The following ABHD12 variants were observed in gnomAD, a reference collection of about 807,000 sequenced individuals.
ABHD12 encodes lysophosphatidylserine lipase ABHD12.
ABHD12 carries 43 observed loss-of-function variants against 58.3 expected under a neutral mutation model. That is an observed-to-expected ratio of 0.74 (90% CI 0.58 to 0.95). The LOEUF is 0.95. Among genes scored for constraint, ABHD12 ranks in the 40% least tolerant of loss-of-function variants. The pLI is 0.00. For missense variants in ABHD12, 539 were observed against 537.2 expected (o/e 1.00, Z -0.03); for synonymous variants, 219 against 211.2 (o/e 1.04, Z -0.32).
At chr20:25,388,787 CTT>C (rs780031801) in intron 1 of ABHD12, among the ~76,000 whole-genome samples, 30 of 122,084 alleles carry the variant, frequency 2.5e-4, no homozygotes, top group African/African-American at 2.9e-4. Context: ...TTGATTTTTT[CTT>C]TTTTTTTTTT....
intron 1 of ABHD12, among the ~76,000 whole-genome samples, chr20:25,378,582 T>C (rs192071300): frequency 6.6e-6 from 1 of 152,154 alleles, no homozygotes; most frequent in Admixed American, 6.5e-5. Context: ...CACATCAAAA[T>C]GACCGGCATT....
At chr20:25,381,190 A>G (rs1479973958) in intron 1 of ABHD12, among the ~76,000 whole-genome samples, 1 of 152,086 alleles carries the variant, frequency 6.6e-6, no homozygotes, top group African/African-American at 2.4e-5. Flanking sequence ...ATCCATTCAC[A>G]TGTCTCCTTG....
At chr20:25,359,316 C>T (rs1294076081) in intron 1 of ABHD12, among the ~76,000 whole-genome samples, 1 of 145,074 alleles carries the variant, frequency 6.9e-6, no homozygotes, top group Admixed American at 7.0e-5. Context: ...CCCAGCTACT[C>T]GGGAGGCTGA....
intron 3 of ABHD12, 119 bp downstream of exon 3, chr20:25,323,206 G>A: frequency 1.3e-6 from 1 of 757,166 alleles, no homozygotes; most frequent in South Asian, 1.4e-5. Flanking sequence ...TTTAGGAAAG[G>A]AAGAGGTGAA....
intron 1 of ABHD12, among the ~76,000 whole-genome samples, chr20:25,374,288 G>A (rs2089935421): frequency 6.6e-6 from 1 of 151,558 alleles, no homozygotes; most frequent in South Asian, 2.1e-4. Flanking sequence ...AAATCTGTTT[G>A]GTTCTCTTTT....
At chr20:25,350,179 T>C (rs2089579181) in intron 1 of ABHD12, among the ~76,000 whole-genome samples, 1 of 152,150 alleles carries the variant, frequency 6.6e-6, no homozygotes, top group African/African-American at 2.4e-5. Flanking sequence ...AGCAGTAAAA[T>C]ACTAGACAGA....
chr20:25,360,471 C>T (rs2089731940), intron 1 of ABHD12, among the ~76,000 whole-genome samples: 1 of 151,876 alleles, frequency 6.6e-6, no homozygotes, highest in Admixed American at 6.6e-5. Context: ...GAACTCCTGA[C>T]CTCGTGATCT....
intron 2 of ABHD12, among the ~76,000 whole-genome samples, chr20:25,334,526 G>A (rs2089330172): frequency 6.6e-6 from 1 of 152,272 alleles, no homozygotes; most frequent in East Asian, 1.9e-4. Context: ...AACAAAGCTG[G>A]AGGCATCACA....
At chr20:25,328,478 G>A (rs1314138164) in intron 2 of ABHD12, among the ~76,000 whole-genome samples, 2 of 152,230 alleles carry the variant, frequency 1.3e-5, no homozygotes, top group East Asian at 3.8e-4. Flanking sequence ...GACAGATGGG[G>A]AGTGGGCACC....
intron 2 of ABHD12, among the ~76,000 whole-genome samples, chr20:25,323,729 C>T (rs1161609248): frequency 6.6e-6 from 1 of 152,014 alleles, no homozygotes; most frequent in East Asian, 1.9e-4. Context: ...GAGACTGGAA[C>T]GCTAAGGTCT....
intron 2 of ABHD12, among the ~76,000 whole-genome samples, chr20:25,326,667 T>A (rs2089181964): frequency 6.6e-6 from 1 of 152,230 alleles, no homozygotes; most frequent in African/African-American, 2.4e-5. Context: ...AAGTTTATTT[T>A]GCAAACAAAT....
At chr20:25,303,373 G>C (rs1266023666) in intron 11 of ABHD12, 177 bp downstream of exon 11, 1 of 1,508,718 alleles carries the variant, frequency 6.6e-7, no homozygotes, top group African/African-American at 1.4e-5. Flanking sequence ...TTCCGAAGCA[G>C]CCTGGAGGTG....
At chr20:25,367,902 T>C (rs2089845369) in intron 1 of ABHD12, among the ~76,000 whole-genome samples, 1 of 152,204 alleles carries the variant, frequency 6.6e-6, no homozygotes, top group Non-Finnish European at 1.5e-5. Context: ...TCAATTATTT[T>C]TGGTAGATAC....
At chr20:25,362,615 G>A (rs1324685645) in intron 1 of ABHD12, among the ~76,000 whole-genome samples, 4 of 132,574 alleles carry the variant, frequency 3.0e-5, no homozygotes, top group East Asian at 6.0e-4. Context: ...GGGGAGGGAA[G>A]GACAGGGGAG....
intron 3 of ABHD12, among the ~76,000 whole-genome samples, chr20:25,322,381 A>ATATATATATATATATATATTTT: frequency 1.2e-4 from 7 of 59,264 alleles, no homozygotes; most frequent in African/African-American, 3.3e-4. Context: ...ATATATATAT[A>ATATATATATATATATATATTTT]TTTTTTTTTT....
intron 5 of ABHD12, among the ~76,000 whole-genome samples, chr20:25,315,261 G>A (rs1057247117): frequency 5.3e-5 from 8 of 152,004 alleles, no homozygotes; most frequent in East Asian, 1.9e-4. Flanking sequence ...AGCTCCACTC[G>A]TGCTGCAGGG....
chr20:25,362,140 C>A (rs1480647830), intron 1 of ABHD12, among the ~76,000 whole-genome samples: 3 of 152,026 alleles, frequency 2.0e-5, no homozygotes, highest in Non-Finnish European at 4.4e-5. Context: ...ATTAGCTGGG[C>A]GTGGTGGCAC....
Position 25,390,599 on chromosome 20 carries a change from G to GCGGCAGT in ABHD12, c.98_104dup (p.Lys37ProfsTer15). ...CCGTCAGGCGTAGGTTCTGCTTCAG[G>GCGGCAGT]CGGCAGTCGGCGTCCAGCGCCGCGG... On this transcript the variant is annotated frameshift_variant, in exon 1 of 13. Coordinates refer to ENST00000339157, the MANE Select transcript of ABHD12 (RefSeq NM_001042472.3). LOFTEE classifies it high-confidence loss of function. The GCGGCAGT allele has an allele frequency of 6.8e-7, 1 of 1,471,186 alleles. No homozygotes were observed. Among genetic ancestry groups the GCGGCAGT allele is most frequent in the Non-Finnish European group, 8.9e-7 (1 of 1,117,536 alleles). 91.1% of individuals were successfully genotyped at this position (1,471,186 alleles called of 1,614,324 possible).
intron 2 of ABHD12, among the ~76,000 whole-genome samples, chr20:25,333,386 G>A (rs2089309861): frequency 8.1e-6 from 1 of 122,710 alleles, no homozygotes; most frequent in Non-Finnish European, 1.9e-5. Context: ...GTACAAGGAG[G>A]AACTGGTACC....
Sources: gnomAD v4.1 joint callset for allele counts (sites outside exome capture counted in the v4.1 genomes callset) on GRCh38, gnomAD v4.1.1 for gene constraint, MANE v1.5 for transcripts, NCBI Gene and HGNC (gene_info 2026-07-23, HGNC 2026-07-21) for gene names.